The following MTHFD1L variants were observed in gnomAD, a reference collection of about 807,000 sequenced individuals.
MTHFD1L encodes monofunctional C1-tetrahydrofolate synthase, mitochondrial.
In MTHFD1L, 81 loss-of-function variants were observed where a neutral mutation model predicts 119.5. That is an observed-to-expected ratio of 0.68 (90% confidence interval 0.57 to 0.82). The LOEUF (loss-of-function observed/expected upper bound fraction) is 0.82. Ranked by LOEUF, MTHFD1L falls within the 40% of genes least tolerant of loss-of-function variation. The pLI, the probability that MTHFD1L is intolerant of heterozygous loss-of-function variation, is 0.00. For missense variants in MTHFD1L, 1,125 were observed against 1,253.4 expected (o/e 0.90, Z 1.55); for synonymous variants, 430 against 475.2 (o/e 0.90, Z 1.24).
intron 26 of MTHFD1L, among the ~76,000 whole-genome samples, chr6:151,083,082 C>T (rs1015072051): frequency 3.3e-5 from 5 of 152,174 alleles, no homozygotes; most frequent in South Asian, 2.1e-4. Flanking sequence ...AAGTCTCTCC[C>T]GACTCACTTG....
chr6:150,912,780 C>A, intron 8 of MTHFD1L: 1 of 439,268 alleles, frequency 2.3e-6, no homozygotes. Flanking sequence ...AAAGACCCGT[C>A]CACGGTTTCG....
chr6:150,892,731 C>T (rs184689966), intron 7 of MTHFD1L, among the ~76,000 whole-genome samples: 1 of 152,324 alleles, frequency 6.6e-6, no homozygotes, highest in Non-Finnish European at 1.5e-5. Flanking sequence ...CCACATACTT[C>T]CCCGTAACCC....
intron 26 of MTHFD1L, among the ~76,000 whole-genome samples, chr6:151,049,365 G>A (rs887635227): frequency 1.3e-5 from 2 of 152,132 alleles, no homozygotes; most frequent in African/African-American, 4.8e-5. Flanking sequence ...GGTGGCAGAC[G>A]CCTGTAGTCC....
chr6:150,948,933 C>G, intron 15 of MTHFD1L, 98 bp from the exon 16 acceptor site: 6 of 1,040,034 alleles, frequency 5.8e-6, no homozygotes, highest in Non-Finnish European at 8.5e-6. Flanking sequence ...AAAGGCTTTA[C>G]CAATCATGGA....
intron 7 of MTHFD1L, among the ~76,000 whole-genome samples, chr6:150,902,209 T>C (rs1785197457): frequency 6.6e-6 from 1 of 152,222 alleles, no homozygotes; most frequent in Admixed American, 6.5e-5. Flanking sequence ...TCTCTTTATA[T>C]TCAGATGCTT....
intron 7 of MTHFD1L, among the ~76,000 whole-genome samples, chr6:150,889,454 A>G (rs957981894): frequency 6.6e-6 from 1 of 152,186 alleles, no homozygotes; most frequent in African/African-American, 2.4e-5. Flanking sequence ...ATTTTTAAAA[A>G]CCCCAAAGTT....
intron 7 of MTHFD1L, among the ~76,000 whole-genome samples, chr6:150,899,686 T>C (rs2128821458): frequency 6.6e-6 from 1 of 152,248 alleles, no homozygotes; most frequent in East Asian, 1.9e-4. Flanking sequence ...AAAAAATTAA[T>C]GCATAGGCTG....
chr6:151,080,070 C>T (rs1344981078), intron 26 of MTHFD1L, among the ~76,000 whole-genome samples: 2 of 151,708 alleles, frequency 1.3e-5, no homozygotes, highest in African/African-American at 4.8e-5. Flanking sequence ...CCCAGCCACT[C>T]GGGAGGCTGA....
At chr6:150,899,010 AT>A in intron 7 of MTHFD1L, 1 of 1,007,408 alleles carries the variant, frequency 9.9e-7, no homozygotes, top group Non-Finnish European at 1.2e-6. Context: ...ATGGTGCTGC[AT>A]TTTTCCTTTT....
chr6:150,876,910 G>A (rs1780546720), intron 2 of MTHFD1L, among the ~76,000 whole-genome samples: 1 of 152,208 alleles, frequency 6.6e-6, no homozygotes. Context: ...TCTGGGATCT[G>A]TAGCCACATC....
rs1005953437 is a variant in MTHFD1L at position 150,974,738 on chromosome 6, T to A, written c.2125+2680T>A. ...GAATTCTCTTCCTTTTTTTTTTTTT[T>A]TTTTTTATTTTTTGTGAGATGGAGT... On this transcript the variant is annotated intron_variant, in intron 20 of 27. Transcript: ENST00000367321. Among the ~76,000 whole-genome samples the A allele has an allele frequency of 1.3e-4, 19 of 151,722 alleles. 1 individual carries two copies. Among genetic ancestry groups the A allele is most frequent in the South Asian group, 4.2e-4 (2 of 4,784 alleles).
chr6:150,915,041 G>A (rs557927633), intron 8 of MTHFD1L, among the ~76,000 whole-genome samples: 4 of 152,244 alleles, frequency 2.6e-5, no homozygotes. Context: ...AGTGTTGTGT[G>A]TACCACCTAC....
At chr6:150,866,538 C>T in intron 1 of MTHFD1L, 1 of 1,270,552 alleles carries the variant, frequency 7.9e-7, no homozygotes, top group South Asian at 2.7e-5. Context: ...GCGCCGCCCG[C>T]GCGAAGCTCC....
At chr6:150,885,828 T>G in intron 6 of MTHFD1L, 94 bp downstream of exon 6, 1 of 929,926 alleles carries the variant, frequency 1.1e-6, no homozygotes, top group Non-Finnish European at 1.6e-6. Flanking sequence ...TTAAAAATTT[T>G]TTTAAATTAT....
intron 27 of MTHFD1L, chr6:151,099,993 C>G: frequency 2.7e-6 from 2 of 752,596 alleles, no homozygotes; most frequent in Non-Finnish European, 4.5e-6. Flanking sequence ...TGGCATCTTC[C>G]TTTAAAAAAA....
intron 26 of MTHFD1L, among the ~76,000 whole-genome samples, chr6:151,046,180 T>A (rs1409926571): frequency 6.6e-6 from 1 of 152,068 alleles, no homozygotes; most frequent in Non-Finnish European, 1.5e-5. Context: ...GGAAATATGC[T>A]GAGTAATAAT....
At chr6:150,954,326 T>C (rs1362609265) in intron 16 of MTHFD1L, among the ~76,000 whole-genome samples, 1 of 152,340 alleles carries the variant, frequency 6.6e-6, no homozygotes, top group East Asian at 1.9e-4. Context: ...GTTGCATTGG[T>C]ATTCACTAAA....
chr6:150,878,243 TTC>T (rs577176880), intron 4 of MTHFD1L, among the ~76,000 whole-genome samples: 1 of 151,578 alleles, frequency 6.6e-6, no homozygotes, highest in African/African-American at 2.4e-5. Context: ...ACAAGTTTAT[TTC>T]TCTCTCTCTC....
chr6:150,865,933 AGGCGGCGGC>A lies in MTHFD1L; in HGVS notation c.114_122del (p.Gly40_Gly42del). The stretch of plus-strand genomic sequence containing the variant: ...GTCGCGCTAGCAGCGGCGGCGGCGG[AGGCGGCGGC>A]GGTGGCCGGGAGGGCCTGCTTGGAC... On this transcript the variant is annotated inframe_deletion, in exon 1 of 28. Transcript: ENST00000367321. 8.3e-7 allele frequency: 1 copy of A among 1,206,024 alleles called. No individual in the cohort carries two copies. Among genetic ancestry groups the A allele is most frequent in the Non-Finnish European group, 1.0e-6 (1 of 975,062 alleles). The allele number at this position is 1,206,024 out of a possible 1,614,324, so 74.7% of individuals were successfully genotyped here.
Sources: gnomAD v4.1 joint callset for allele counts (sites outside exome capture counted in the v4.1 genomes callset) on GRCh38, gnomAD v4.1.1 for gene constraint, MANE v1.5 for transcripts, NCBI Gene and HGNC (gene_info 2026-07-23, HGNC 2026-07-21) for gene names.